IL12RB2: variants seen among roughly 807,000 people sequenced by gnomAD.
IL12RB2 encodes the protein interleukin 12 receptor subunit beta 2.
A neutral mutation model predicts 89.4 loss-of-function variants in IL12RB2; 82 were observed. That is an observed-to-expected ratio of 0.92 (90% CI 0.77 to 1.10). IL12RB2 has a LOEUF of 1.10. Ranked by LOEUF, IL12RB2 falls within the 50% of genes least tolerant of loss-of-function variation. The pLI is 0.00. For missense variants in IL12RB2, 963 were observed against 1,031.9 expected (o/e 0.93, Z 0.92); for synonymous variants, 368 against 370.1 (o/e 0.99, Z 0.07).
chr1:67,385,359 A>T (rs1053864908), intron 14 of IL12RB2, among the ~76,000 whole-genome samples: 1 of 152,194 alleles, frequency 6.6e-6, no homozygotes, highest in African/African-American at 2.4e-5. Context: ...GAACTCCCTC[A>T]TAGCATGAGA....
In IL12RB2 at chr1:67,330,801, C is replaced by A. The variant is rs1485557856; in HGVS notation, c.949C>A (p.Pro317Thr). Residue 317 changes from proline to threonine, a missense_variant, in exon 8 of 17, where the codon CCA becomes ACA. Pro to Thr is a conservative substitution (Grantham distance 38). Coordinates refer to ENST00000674203, the MANE Select transcript of IL12RB2 (RefSeq NM_001374259.2). Reference sequence around the variant, plus strand: ...GAGTGAATCATTGAGAGCACAAACACCAGAAGAAGGTATATGTCCAAAATA... The same window carrying A: ...GAGTGAATCATTGAGAGCACAAACAACAGAAGAAGGTATATGTCCAAAATA... ...DWSESLRAQT[P>T]EEEPTGMLDV... The A allele has an allele frequency of 1.3e-6, 2 of 1,565,192 alleles. No homozygotes were observed. Among genetic ancestry groups the A allele is most frequent in the Middle Eastern group, 1.7e-4 (1 of 5,990 alleles).
At chr1:67,348,795 G>C (rs1257849364) in intron 9 of IL12RB2, among the ~76,000 whole-genome samples, 1 of 152,100 alleles carries the variant, frequency 6.6e-6, no homozygotes, top group Non-Finnish European at 1.5e-5. Context: ...AGACGAGTTA[G>C]GCTTGTTTTT....
chr1:67,355,593 G>A (rs1661306816), intron 10 of IL12RB2, among the ~76,000 whole-genome samples: 1 of 152,118 alleles, frequency 6.6e-6, no homozygotes, highest in South Asian at 2.1e-4. Context: ...CAGAGACTGG[G>A]GCCCAAGGAG....
chr1:67,342,834 A>C (rs1569919634), intron 9 of IL12RB2, among the ~76,000 whole-genome samples: 1 of 123,354 alleles, frequency 8.1e-6, no homozygotes. Flanking sequence ...ATCTCAGCTC[A>C]CTGCAGCCTT....
At chr1:67,309,562 C>A (rs1242347667) in intron 1 of IL12RB2, among the ~76,000 whole-genome samples, 1 of 152,164 alleles carries the variant, frequency 6.6e-6, no homozygotes, top group African/African-American at 2.4e-5. Flanking sequence ...GCACAACAGC[C>A]TCCAGAAAAG....
chr1:67,313,011 T>C (rs1655286989), intron 1 of IL12RB2, among the ~76,000 whole-genome samples: 1 of 152,272 alleles, frequency 6.6e-6, no homozygotes, highest in African/African-American at 2.4e-5. Flanking sequence ...CATGACATTA[T>C]GAATGGGGCC....
intron 13 of IL12RB2, among the ~76,000 whole-genome samples, chr1:67,379,509 C>CAAAAAAAAAAAAAAAAAAAA (rs58494224): frequency 1.5e-5 from 1 of 68,492 alleles, no homozygotes; most frequent in Non-Finnish European, 2.6e-5. Flanking sequence ...GAACCTGTCT[C>CAAAAAAAAAAAAAAAAAAAA]AAAAAAAAAA....
chr1:67,309,199 C>T (rs1030563593), intron 1 of IL12RB2, among the ~76,000 whole-genome samples: 1 of 151,716 alleles, frequency 6.6e-6, no homozygotes, highest in Non-Finnish European at 1.5e-5. Context: ...TGAGCACCTA[C>T]TATGTATTTG....
At chr1:67,320,534 G>A (rs1656353020) in intron 3 of IL12RB2, 90 bp downstream of exon 3, 1 of 1,595,938 alleles carries the variant, frequency 6.3e-7, no homozygotes, top group Non-Finnish European at 8.5e-7. Flanking sequence ...TAAATGTTCT[G>A]GTAGTTGGTC....
chr1:67,319,049 C>A lies in IL12RB2; in HGVS notation c.-36-1284C>A, dbSNP rs577241018. 2.6e-5 allele frequency among the ~76,000 whole-genome samples: 4 copies of A among 152,306 alleles called. No homozygotes were observed. The South Asian group carries it at 8.3e-4, about 32-fold the overall frequency. ...GGAAACAAAGGGCGCTTTCCTAGAA[C>A]CCCACAGGGACAGGAGTGCTTTGTC... On this transcript the variant is annotated intron_variant, in intron 2 of 16. Coordinates refer to ENST00000674203, the MANE Select transcript of IL12RB2 (RefSeq NM_001374259.2).
chr1:67,346,386 T>A, intron 9 of IL12RB2, among the ~76,000 whole-genome samples: 1 of 24,866 alleles, frequency 4.0e-5, no homozygotes, highest in East Asian at 3.2e-3. Context: ...CTATTTTTTT[T>A]TTTTTTTTTT....
rs1558297543 is a variant in IL12RB2, at chr1:67,320,429, A to G, written c.61A>G (p.Ile21Val). The change falls in exon 3 of 17, where the codon ATT (isoleucine) becomes GTT (valine). Residue 21 changes from isoleucine to valine, a missense_variant. By Grantham distance (29) the Ile-to-Val change is conservative. Coordinates refer to ENST00000674203, the MANE Select transcript of IL12RB2 (RefSeq NM_001374259.2). ...AFMFIITWLL[I>V]KAKIDACKRG... is the part of the protein sequence containing the mutation. ...TATGTTTATAATCACGTGGCTGTTG[A>G]TTAAAGCAAAAATAGGTAAGATATT... 1 of 1,613,944 alleles carries G rather than the reference A, an allele frequency of 6.2e-7. No homozygotes were observed. The highest frequency in any genetic ancestry group is 8.5e-7 in the Non-Finnish European group (1 of 1,179,918).
intron 9 of IL12RB2, among the ~76,000 whole-genome samples, chr1:67,347,447 A>G (rs942681261): frequency 3.3e-5 from 5 of 152,206 alleles, no homozygotes; most frequent in Admixed American, 2.0e-4. Context: ...ATCTTTAATT[A>G]AAAATAAAAA....
At chr1:67,339,801 T>A (rs1206772030) in intron 9 of IL12RB2, among the ~76,000 whole-genome samples, 1 of 152,246 alleles carries the variant, frequency 6.6e-6, no homozygotes, top group Non-Finnish European at 1.5e-5. Flanking sequence ...ACCCAGCTAC[T>A]GAGCACAGAC....
rs982689199 is a variant in IL12RB2 at position 67,350,973 on chromosome 1, C to T, written c.1142C>T (p.Thr381Ile). The T allele has an allele frequency of 3.7e-6, 6 of 1,614,020 alleles. No homozygotes were observed. The highest frequency in any genetic ancestry group is 5.1e-6 in the Non-Finnish European group (6 of 1,180,016). The change falls in exon 10 of 17, where the codon ACC (threonine) becomes ATC (isoleucine). Residue 381 changes from threonine (T) to isoleucine (I), a missense_variant. Thr to Ile is a moderately conservative substitution (Grantham distance 89). Coordinates refer to ENST00000674203, the MANE Select transcript of IL12RB2 (RefSeq NM_001374259.2). ...KAMTQNITGHTSWTTVIPRTG... is the reference protein window; with the variant it reads ...KAMTQNITGHISWTTVIPRTG... ...ATGACACAGAACATCACAGGACACACCTCCTGGACCACAGTCATTCCTAGA... is the reference window on the plus strand; with the variant it reads ...ATGACACAGAACATCACAGGACACATCTCCTGGACCACAGTCATTCCTAGA...
intron 9 of IL12RB2, among the ~76,000 whole-genome samples, chr1:67,340,422 T>C (rs1659397110): frequency 6.6e-6 from 1 of 152,254 alleles, no homozygotes; most frequent in Non-Finnish European, 1.5e-5. Flanking sequence ...TAAAGGTTTC[T>C]CCTCCAAAAA....
intron 9 of IL12RB2, among the ~76,000 whole-genome samples, chr1:67,339,454 T>C (rs1294570258): frequency 6.8e-6 from 1 of 148,146 alleles, no homozygotes; most frequent in Non-Finnish European, 1.5e-5. Context: ...GCCACTGCAC[T>C]CGAGCTTGGG....
intron 4 of IL12RB2, 136 bp from the exon 5 acceptor site, chr1:67,326,599 G>A: frequency 2.8e-6 from 4 of 1,406,188 alleles, no homozygotes; most frequent in Non-Finnish European, 3.8e-6. Context: ...GGACTTGAAT[G>A]GAATCTAAAA....
intron 1 of IL12RB2, among the ~76,000 whole-genome samples, chr1:67,309,895 C>T (rs897456767): frequency 2.0e-5 from 3 of 152,112 alleles, no homozygotes; most frequent in African/African-American, 7.2e-5. Context: ...TGCAGAATGG[C>T]GGGACACGGT....
Sources: allele counts gnomAD v4.1 joint callset (sites outside exome capture counted in the v4.1 genomes callset), GRCh38; gene constraint gnomAD v4.1.1; transcripts MANE v1.5; gene names NCBI Gene and HGNC (gene_info 2026-07-23, HGNC 2026-07-21).